The following PRKCB variants were observed in gnomAD, a reference collection of about 807,000 sequenced individuals.
The protein encoded by PRKCB is protein kinase C beta type.
Under a neutral mutation model 81.5 loss-of-function variants are expected in PRKCB, and 13 were observed. The ratio of observed to expected loss-of-function variants is 0.16; its 90% CI spans 0.10 to 0.25. The LOEUF is 0.25. PRKCB is among the 10% of genes least tolerant of loss of function. The probability of loss-of-function intolerance (pLI) is 1.00; values close to 1 mark genes in which losing one functional copy is unlikely to be tolerated. For missense variants in PRKCB, 509 were observed against 875.7 expected (o/e 0.58, Z 5.29); for synonymous variants, 335 against 321.4 (o/e 1.04, Z -0.45).
chr16:24,174,008 C>G (rs1458537737), intron 11 of PRKCB, among the ~76,000 whole-genome samples: 4 of 151,804 alleles, frequency 2.6e-5, no homozygotes, highest in African/African-American at 4.8e-5. Context: ...GTATAATTCT[C>G]TCTTTTTTGG....
Position 24,163,289 on chromosome 16 carries a change from G to T in PRKCB, c.1239+8432G>T, listed in dbSNP as rs1041940719. 2.6e-5 allele frequency among the ~76,000 whole-genome samples: 4 copies of T among 152,196 alleles called. No individual in the cohort carries two copies. The South Asian group carries it at 8.3e-4, about 32-fold the overall frequency. ...GGATTCAAGCAGGACATAGTTATAG[G>T]CTAGTGGTACAAACATGGCATCATT... On this transcript the variant is annotated intron_variant, in intron 10 of 16. Coordinates refer to ENST00000643927, the MANE Select transcript of PRKCB (RefSeq NM_002738.7).
At chr16:23,969,599 A>G (rs1964530316) in intron 2 of PRKCB, among the ~76,000 whole-genome samples, 2 of 152,202 alleles carry the variant, frequency 1.3e-5, no homozygotes, top group South Asian at 4.1e-4. Context: ...TAATCTACGT[A>G]AAGAGCTTAA....
intron 16 of PRKCB, among the ~76,000 whole-genome samples, chr16:24,209,976 C>T (rs1267626120): frequency 1.3e-5 from 2 of 151,810 alleles, no homozygotes; most frequent in Admixed American, 6.6e-5. Context: ...ATTAGTCCTG[C>T]GTGGTGGTGC....
intron 4 of PRKCB, among the ~76,000 whole-genome samples, chr16:24,034,717 G>A (rs977734906): frequency 6.6e-6 from 1 of 152,126 alleles, no homozygotes; most frequent in Admixed American, 6.5e-5. Context: ...GCCCCATCCT[G>A]CATAATTGCC....
At chr16:24,096,666 A>AATATATATATATATATATATATATAT (rs58341820) in intron 7 of PRKCB, among the ~76,000 whole-genome samples, 1 of 32,702 alleles carries the variant, frequency 3.1e-5, no homozygotes, top group Non-Finnish European at 6.1e-5. Context: ...AAAAAAAAAA[A>AATATATATATATATATATATATATAT]ATATATATAT....
At chr16:23,872,856 C>G (rs1302624169) in intron 2 of PRKCB, among the ~76,000 whole-genome samples, 4 of 151,790 alleles carry the variant, frequency 2.6e-5, no homozygotes, top group African/African-American at 9.7e-5. Context: ...GGAACTTCAG[C>G]TGGGCTTCAG....
In PRKCB at chr16:24,071,594, A is replaced by T. The variant is rs192933065; in HGVS notation, c.530-21197A>T. The stretch of plus-strand genomic sequence containing the variant: ...AACAGGGCCAGTGGTTCTACTTGTG[A>T]TTGGGGGTAAAGGTCCTAGGGTAGT... On this transcript the variant is annotated intron_variant, in intron 5 of 16. Transcript: ENST00000643927. 3.3e-3 allele frequency among the ~76,000 whole-genome samples: 508 copies of T among 151,996 alleles called. 9 individuals are homozygous for T. Among genetic ancestry groups the T allele is most frequent in the Non-Finnish European group, 2.0e-3 (137 of 67,984 alleles).
intron 2 of PRKCB, among the ~76,000 whole-genome samples, chr16:23,955,748 C>T (rs1241360572): frequency 6.6e-6 from 1 of 152,180 alleles, no homozygotes. Context: ...TCACTTCTGT[C>T]CTGAACTGCC....
At chr16:23,981,678 C>T in intron 2 of PRKCB, among the ~76,000 whole-genome samples, 1 of 124,356 alleles carries the variant, frequency 8.0e-6, no homozygotes, top group Non-Finnish European at 1.7e-5. Context: ...TTCTCTTCCC[C>T]TTCCCCTTCC....
intron 16 of PRKCB, among the ~76,000 whole-genome samples, chr16:24,211,578 G>T: frequency 7.2e-6 from 1 of 138,814 alleles, no homozygotes; most frequent in African/African-American, 2.9e-5. Context: ...TTTTTTTTGC[G>T]ATGGAGTTTC....
intron 12 of PRKCB, among the ~76,000 whole-genome samples, chr16:24,178,729 AAAC>A (rs965048888): frequency 2.9e-4 from 44 of 152,346 alleles, no homozygotes; most frequent in Admixed American, 4.6e-4. Flanking sequence ...TGGGATTGGC[AAAC>A]ATCAGTGGGC....
intron 9 of PRKCB, among the ~76,000 whole-genome samples, chr16:24,130,037 C>T (rs1442296159): frequency 6.6e-6 from 1 of 152,162 alleles, no homozygotes; most frequent in African/African-American, 2.4e-5. Context: ...TTTTTTAATG[C>T]ATTTCAAAGC....
chr16:23,919,453 T>C (rs969296602), intron 2 of PRKCB, among the ~76,000 whole-genome samples: 14 of 151,776 alleles, frequency 9.2e-5, no homozygotes, highest in Non-Finnish European at 1.8e-4. Context: ...TTCCTGAATA[T>C]ATTTTCATGA....
At chr16:24,021,028 C>CTTTATTTA (rs66844532) in intron 3 of PRKCB, among the ~76,000 whole-genome samples, 1 of 140,328 alleles carries the variant, frequency 7.1e-6, no homozygotes, top group African/African-American at 2.8e-5. Context: ...TTCTTTCTTT[C>CTTTATTTA]TTTCTTTCTT....
chr16:23,925,156 G>A lies in PRKCB; in HGVS notation c.206-63352G>A, dbSNP rs116059846. 6.5e-3 allele frequency among the ~76,000 whole-genome samples: 993 copies of A among 152,200 alleles called. 17 individuals are homozygous for A. Among genetic ancestry groups the A allele is most frequent in the African/African-American group, 0.022 (906 of 41,568 alleles). ...AATGGAGCACAATGACTAGAAGAATGTTGAGAGATGAGGAAAGAGAGAATG... is the reference window on the plus strand; with the variant it reads ...AATGGAGCACAATGACTAGAAGAATATTGAGAGATGAGGAAAGAGAGAATG... On this transcript the variant is annotated intron_variant, in intron 2 of 16. Transcript: ENST00000643927.
chr16:24,186,445 G>A (rs141785430), intron 15 of PRKCB, among the ~76,000 whole-genome samples: 99 of 152,306 alleles, frequency 6.5e-4, no homozygotes, highest in African/African-American at 2.1e-3. Flanking sequence ...AAGCCTGAAA[G>A]CAATAGAATT....
chr16:23,856,289 T>C (rs7196115), intron 2 of PRKCB, among the ~76,000 whole-genome samples: 2,990 of 152,276 alleles, frequency 0.02, 85 homozygotes, highest in African/African-American at 0.068. Flanking sequence ...TTCCAACTTG[T>C]ATTTCAAGCC....
chr16:24,089,979 A>C (rs546212297), intron 5 of PRKCB, among the ~76,000 whole-genome samples: 1 of 152,290 alleles, frequency 6.6e-6, no homozygotes, highest in Admixed American at 6.5e-5. Context: ...TGATCAAGAA[A>C]TTGAGGTTCA....
intron 5 of PRKCB, among the ~76,000 whole-genome samples, chr16:24,071,331 C>T (rs920702900): frequency 2.0e-5 from 3 of 150,150 alleles, no homozygotes; most frequent in South Asian, 2.1e-4. Flanking sequence ...TGGCCGGGCA[C>T]GATGGCTGAC....
Sources: allele counts gnomAD v4.1 joint callset (sites outside exome capture counted in the v4.1 genomes callset), GRCh38; gene constraint gnomAD v4.1.1; transcripts MANE v1.5; gene names NCBI Gene and HGNC (gene_info 2026-07-23, HGNC 2026-07-21).